The following CHN2 variants were observed in gnomAD, a reference collection of about 807,000 sequenced individuals.
CHN2 encodes chimerin 2.
In CHN2, 35 loss-of-function variants were observed where a neutral mutation model predicts 56.3. The ratio of observed to expected loss-of-function variants is 0.62; its 90% CI spans 0.47 to 0.82. The LOEUF is 0.82. Ranked by LOEUF, CHN2 falls within the 40% of genes least tolerant of loss-of-function variation. The pLI is 0.00. For missense variants in CHN2, 491 were observed against 580.5 expected, an observed-to-expected ratio of 0.85 and a Z score of 1.58; for synonymous variants, 210 against 212.8, an observed-to-expected ratio of 0.99 and a Z score of 0.12.
intron 6 of CHN2, among the ~76,000 whole-genome samples, chr7:29,451,107 G>A (rs1450964746): frequency 2.0e-5 from 3 of 152,112 alleles, no homozygotes; most frequent in African/African-American, 7.2e-5. Flanking sequence ...GAAAGAGAGA[G>A]AAACAACAAC....
At chr7:29,441,096 A>G in intron 6 of CHN2, among the ~76,000 whole-genome samples, 1 of 152,174 alleles carries the variant, frequency 6.6e-6, no homozygotes, top group East Asian at 1.9e-4. Flanking sequence ...GGAGGTGATA[A>G]TCAAAGTACA....
chr7:29,482,797 C>CTTTTCTTTTTTTTTTTT (rs1787429870), intron 7 of CHN2, among the ~76,000 whole-genome samples: 2 of 64,208 alleles, frequency 3.1e-5, no homozygotes, highest in Non-Finnish European at 2.9e-5. Context: ...GCACTTTTTT[C>CTTTTCTTTTTTTTTTTT]TTTTTTTTTT....
intron 1 of CHN2, among the ~76,000 whole-genome samples, chr7:29,267,120 GA>G (rs1790211835): frequency 6.6e-6 from 1 of 152,076 alleles, no homozygotes; most frequent in African/African-American, 2.4e-5. Flanking sequence ...CATTTGCCTG[GA>G]GTGCCTTGTG....
chr7:29,497,445 GT>G (rs367749306), intron 8 of CHN2, among the ~76,000 whole-genome samples: 165 of 151,408 alleles, frequency 1.1e-3, no homozygotes, highest in African/African-American at 3.8e-3. Context: ...AACTTTTCAA[GT>G]TTCTCTGGGA....
intron 6 of CHN2, among the ~76,000 whole-genome samples, chr7:29,478,894 T>A (rs1786840125): frequency 6.6e-6 from 1 of 152,150 alleles, no homozygotes; most frequent in South Asian, 2.1e-4. Context: ...AAAATCATGG[T>A]GTTTACCAGG....
rs117233666 is a variant in CHN2 at position 29,386,717 on chromosome 7, T to C, written c.145-6962T>C. Among the ~76,000 whole-genome samples the C allele has an allele frequency of 3.1e-4, 47 of 152,308 alleles. No individual in the cohort carries two copies. In the East Asian group the frequency reaches 8.7e-3, roughly 28 times the overall value. On this transcript the variant is annotated intron_variant, in intron 3 of 12. Coordinates refer to ENST00000222792, the MANE Select transcript of CHN2 (RefSeq NM_004067.4). ...GTCTTCCTTAAAATTGAAAAATACA[T>C]TGGGAAATAAACCAGGTAGTTTGGG... is the stretch of plus-strand genomic sequence containing the variant.
chr7:29,509,233 C>G, intron 11 of CHN2, 68 bp from the exon 12 acceptor site: 2 of 1,204,440 alleles, frequency 1.7e-6, no homozygotes, highest in Non-Finnish European at 2.4e-6. Context: ...ACAAAAACTT[C>G]TTGTTACTTC....
intron 2 of CHN2, among the ~76,000 whole-genome samples, chr7:29,168,215 G>A (rs958788079): frequency 1.6e-4 from 25 of 152,032 alleles, no homozygotes; most frequent in South Asian, 1.5e-3. Context: ...ATAAAATGTC[G>A]GTTTATTTGT....
intron 7 of CHN2, among the ~76,000 whole-genome samples, chr7:29,494,439 G>A (rs1207976342): frequency 1.3e-5 from 2 of 152,058 alleles, no homozygotes; most frequent in Non-Finnish European, 2.9e-5. Context: ...CTTTAGATAG[G>A]ATACTTTACT....
intron 3 of CHN2, among the ~76,000 whole-genome samples, chr7:29,372,892 T>C (rs947804294): frequency 6.6e-6 from 1 of 152,232 alleles, no homozygotes. Context: ...CAGAAGTTCT[T>C]TTGTGACTGT....
intron 6 of CHN2, chr7:29,401,062 A>G (rs1802163067): frequency 1.9e-6 from 1 of 513,808 alleles, no homozygotes; most frequent in Non-Finnish European, 3.5e-6. Context: ...AGGTCAGGAG[A>G]TAGAGACCAT....
intron 2 of CHN2, among the ~76,000 whole-genome samples, chr7:29,161,902 G>A (rs1795225178): frequency 2.6e-5 from 4 of 152,254 alleles, no homozygotes; most frequent in Admixed American, 1.3e-4. Flanking sequence ...TAGACAGTTG[G>A]CAAATAAGCA....
chr7:29,493,747 C>T (rs905794996), intron 7 of CHN2, among the ~76,000 whole-genome samples: 3 of 152,186 alleles, frequency 2.0e-5, no homozygotes, highest in African/African-American at 7.2e-5. Context: ...CACTTTCCAT[C>T]TCCACTGCCA....
intron 2 of CHN2, among the ~76,000 whole-genome samples, chr7:29,354,940 T>TTTTG (rs147269443): frequency 7.0e-5 from 10 of 142,012 alleles, no homozygotes; most frequent in African/African-American, 2.6e-4. Flanking sequence ...GGGGCTTTAT[T>TTTTG]TTTATTTATT....
chr7:29,404,345 C>T (rs951076971), intron 6 of CHN2, among the ~76,000 whole-genome samples: 10 of 152,100 alleles, frequency 6.6e-5, no homozygotes, highest in Non-Finnish European at 1.0e-4. Context: ...CATTTTTATT[C>T]AATAAATATG....
chr7:29,336,618 A>C (rs1796632693), intron 1 of CHN2, among the ~76,000 whole-genome samples: 2 of 151,850 alleles, frequency 1.3e-5, no homozygotes, highest in African/African-American at 4.8e-5. Flanking sequence ...TAATTAGCTA[A>C]GCATAGTACT....
chr7:29,273,339 A>ATGTG (rs1207073154), intron 1 of CHN2, among the ~76,000 whole-genome samples: 52 of 82,262 alleles, frequency 6.3e-4, no homozygotes, highest in African/African-American at 2.7e-3. Context: ...ATATATATAT[A>ATGTG]TGTGTATATA....
At chr7:29,382,708 G>C (rs1398853760) in intron 3 of CHN2, among the ~76,000 whole-genome samples, 1 of 151,612 alleles carries the variant, frequency 6.6e-6, no homozygotes, top group Non-Finnish European at 1.5e-5. Flanking sequence ...CCCTAACTCA[G>C]GCCTTTTATA....
chr7:29,262,219 G>A (rs542802957), intron 1 of CHN2, among the ~76,000 whole-genome samples: 1 of 152,224 alleles, frequency 6.6e-6, no homozygotes, highest in South Asian at 2.1e-4. Flanking sequence ...TGCACAGAAG[G>A]TCTCTTCTGT....
Sources: gnomAD v4.1 joint callset for allele counts (sites outside exome capture counted in the v4.1 genomes callset) on GRCh38, gnomAD v4.1.1 for gene constraint, MANE v1.5 for transcripts, NCBI Gene and HGNC (gene_info 2026-07-23, HGNC 2026-07-21) for gene names.